The following PPEF1 variants were observed in gnomAD, a reference collection of about 807,000 sequenced individuals.
PPEF1 encodes serine/threonine-protein phosphatase with EF-hands 1.
Under a neutral mutation model 53.3 loss-of-function variants are expected in PPEF1, and 12 were observed. The ratio of observed to expected loss-of-function variants is 0.23; its 90% CI spans 0.14 to 0.36. The LOEUF (loss-of-function observed/expected upper bound fraction) is 0.36. Ranked by LOEUF, PPEF1 falls within the 10% of genes least tolerant of loss-of-function variation. PPEF1 has a pLI of 1.00. For missense variants in PPEF1, 334 were observed against 490.4 expected, an observed-to-expected ratio of 0.68 and a Z score of 3.01; for synonymous variants, 165 against 176.7, an observed-to-expected ratio of 0.93 and a Z score of 0.52.
At chrX:18,790,820 A>G (rs1383462745) in intron 10 of PPEF1, among the ~76,000 whole-genome samples, 1 of 109,398 alleles carries the variant, frequency 9.1e-6, no homozygotes, top group Non-Finnish European at 1.9e-5. Context: ...ACAGGCATGC[A>G]TTACCACGCC....
At chrX:18,798,732 T>C (rs976963107) in intron 10 of PPEF1, among the ~76,000 whole-genome samples, 1 of 110,983 alleles carries the variant, frequency 9.0e-6, no homozygotes, top group Non-Finnish European at 1.9e-5. Context: ...GAGGCAATTC[T>C]CCTGCATCAG....
Position 18,757,252 on chromosome X carries a change from C to G in PPEF1, c.397-375C>G, listed in dbSNP as rs145786468. Among the ~76,000 whole-genome samples, 958 of 111,177 alleles carry G rather than the reference C, an allele frequency of 8.6e-3. 9 individuals are homozygous for G. Among genetic ancestry groups the G allele is most frequent in the African/African-American group, 0.03 (906 of 30,612 alleles). Reference sequence around the variant, plus strand: ...TGTTAAATTTGTGTGGTAGTCACATCTCTGCTGTATTATATTTTGGAGTAT... The same window carrying G: ...TGTTAAATTTGTGTGGTAGTCACATGTCTGCTGTATTATATTTTGGAGTAT... On this transcript the variant is annotated intron_variant, in intron 4 of 15. Coordinates refer to ENST00000470157, the MANE Select transcript of PPEF1 (RefSeq NM_001377996.1).
intron 1 of PPEF1, among the ~76,000 whole-genome samples, chrX:18,717,520 G>A (rs756736446): frequency 1.6e-4 from 18 of 109,991 alleles, no homozygotes; most frequent in Non-Finnish European, 3.4e-4. Context: ...ATTTGTACCC[G>A]CTGTCTCCTA....
intron 12 of PPEF1, among the ~76,000 whole-genome samples, chrX:18,810,316 TCTCTGC>T (rs1364212499): frequency 9.3e-6 from 1 of 107,783 alleles, no homozygotes; most frequent in Non-Finnish European, 1.9e-5. Context: ...TCTTTCTCTG[TCTCTGC>T]CTCTCTCTGC....
chrX:18,742,684 A>C (rs1030629330), intron 3 of PPEF1, among the ~76,000 whole-genome samples: 1 of 110,489 alleles, frequency 9.1e-6, no homozygotes, highest in African/African-American at 3.3e-5. Flanking sequence ...CCCCATCTCT[A>C]GTAAAAATAC....
At chrX:18,718,251 A>G (rs1341462153) in intron 1 of PPEF1, among the ~76,000 whole-genome samples, 1 of 111,875 alleles carries the variant, frequency 8.9e-6, no homozygotes, top group Non-Finnish European at 1.9e-5. Flanking sequence ...GGCTATTTAG[A>G]TATCCATTTT....
Position 18,685,033 on chromosome X carries a change from A to G in PPEF1, c.-520+264A>G, listed in dbSNP as rs149001598. 8.7e-3 allele frequency among the ~76,000 whole-genome samples: 973 copies of G among 112,007 alleles called. 5 individuals carry two copies. The highest frequency in any genetic ancestry group is 0.01 in the Non-Finnish European group (556 of 53,176). ...TCTAGAGTCCCATTTAAAAGGCAAC[A>G]CCTGATAGCAGCCAGTGCTAATTGG... On this transcript the variant is annotated intron_variant, in intron 2 of 21. Coordinates refer to the PPEF1 transcript ENST00000361511.
chrX:18,687,151 T>G lies in PPEF1; in HGVS notation c.-426+920T>G, dbSNP rs772968710. On this transcript the variant is annotated intron_variant, in intron 3 of 21. Coordinates refer to the PPEF1 transcript ENST00000361511. Reference sequence around the variant, plus strand: ...CAGGAAAATAGCTTTTCTGGAAGCCTCAGCCCATAGATTTCTGCTTGTATC... The same window carrying G: ...CAGGAAAATAGCTTTTCTGGAAGCCGCAGCCCATAGATTTCTGCTTGTATC... 1.3e-4 allele frequency among the ~76,000 whole-genome samples: 15 copies of G among 111,356 alleles called. No homozygotes were observed. In the East Asian group the frequency reaches 2.8e-3, roughly 21 times the overall value.
chrX:18,747,509 C>G (rs1044153941), intron 3 of PPEF1, among the ~76,000 whole-genome samples: 2 of 112,441 alleles, frequency 1.8e-5, no homozygotes, highest in African/African-American at 6.5e-5. Flanking sequence ...CAGGGTCTTG[C>G]TGTGTTGCCT....
chrX:18,688,929 T>A (rs1929208795), intron 3 of PPEF1: 1 of 111,393 alleles, frequency 9.0e-6, no homozygotes, highest in Non-Finnish European at 1.9e-5. Context: ...AAAGGAGATG[T>A]CTGGGTTAAG....
intron 6 of PPEF1, among the ~76,000 whole-genome samples, chrX:18,776,254 G>A (rs1246215530): frequency 1.0e-5 from 1 of 96,167 alleles, no homozygotes; most frequent in Non-Finnish European, 2.2e-5. Context: ...GTTTGTTTTA[G>A]ACAGGGTCTC....
At chrX:18,774,862 G>A (rs2283718) in intron 6 of PPEF1, among the ~76,000 whole-genome samples, 6 of 110,540 alleles carry the variant, frequency 5.4e-5, no homozygotes, top group African/African-American at 1.7e-4. Flanking sequence ...CTCTGGCCTC[G>A]TCTAATCTTT....
intron 3 of PPEF1, among the ~76,000 whole-genome samples, chrX:18,687,754 T>C (rs1929157088): frequency 9.6e-6 from 1 of 104,447 alleles, no homozygotes; most frequent in Non-Finnish European, 1.9e-5. Context: ...AGTGGCACGA[T>C]CTCAGCTCAC....
chrX:18,776,009 C>A (rs2045959002), intron 6 of PPEF1, among the ~76,000 whole-genome samples: 1 of 111,711 alleles, frequency 9.0e-6, no homozygotes, highest in Non-Finnish European at 1.9e-5. Flanking sequence ...GTCCACCATC[C>A]CCTCAGGCCT....
chrX:18,703,363 G>A (rs1323487200), upstream of PPEF1, among the ~76,000 whole-genome samples: 2 of 111,872 alleles, frequency 1.8e-5, no homozygotes, highest in East Asian at 2.8e-4. Context: ...AAAAATTCTA[G>A]AACATCATGT....
chrX:18,726,646 A>G (rs2044714796), intron 1 of PPEF1, among the ~76,000 whole-genome samples: 1 of 99,676 alleles, frequency 1.0e-5, no homozygotes, highest in Non-Finnish European at 2.1e-5. Context: ...AGAAATAGTA[A>G]TAAGCTCAGT....
At position 18,733,808 on chromosome X, in the gene PPEF1, G is replaced by C. The variant is rs1018464779; in HGVS notation, c.235G>C (p.Glu79Gln). 1.7e-6 allele frequency: 2 copies of C among 1,170,945 alleles called. No homozygotes were observed. The highest frequency in any genetic ancestry group is 2.5e-5 in the Admixed American group (1 of 39,580). ...NYTHIHKEEL[E>Q]LRNQSLESEQ... The stretch of plus-strand genomic sequence containing the variant: ...CACACATATACATAAGGAAGAGCTA[G>C]GTAAGTAAAAAGCTTAGTCTTTTCA... The change falls in exon 3 of 16, where the codon GAA becomes CAA. Residue 79 changes from glutamate (E) to glutamine (Q), a missense_variant and splice_region_variant. Transcript: ENST00000470157.
At chrX:18,825,856 G>C in intron 15 of PPEF1, 21 bp downstream of exon 15, 1 of 1,096,297 alleles carries the variant, frequency 9.1e-7, no homozygotes, top group Non-Finnish European at 1.2e-6. Context: ...GAACTTGGAT[G>C]AGTCCATTTA....
chrX:18,677,346 G>T (rs1928715629), intron 1 of PPEF1, among the ~76,000 whole-genome samples: 1 of 112,073 alleles, frequency 8.9e-6, no homozygotes, highest in Non-Finnish European at 1.9e-5. Context: ...GCCCCACCCA[G>T]CTCAAATTCT....
Sources: gnomAD v4.1 joint callset for allele counts (sites outside exome capture counted in the v4.1 genomes callset) on GRCh38, gnomAD v4.1.1 for gene constraint, MANE v1.5 for transcripts, NCBI Gene and HGNC (gene_info 2026-07-23, HGNC 2026-07-21) for gene names.